SRBD1: variants seen among roughly 807,000 people sequenced by gnomAD.
SRBD1 encodes S1 RNA-binding domain-containing protein 1.
In SRBD1, 88 loss-of-function variants were observed where a neutral mutation model predicts 115.3. The observed-to-expected ratio is 0.76, with a 90% CI of 0.64 to 0.91. The LOEUF is 0.91. SRBD1 is among the 40% of genes least tolerant of loss of function. The pLI is 0.00. For missense variants in SRBD1, 1,385 were observed against 1,177.4 expected (o/e 1.18, Z -2.58); for synonymous variants, 509 against 407.7 (o/e 1.25, Z -2.99).
chr2:45,468,707 T>C (rs1318915853), intron 16 of SRBD1, among the ~76,000 whole-genome samples: 1 of 152,132 alleles, frequency 6.6e-6, no homozygotes, highest in Non-Finnish European at 1.5e-5. Context: ...TTATTGTGCA[T>C]GTCTTCTTAG....
intron 14 of SRBD1, among the ~76,000 whole-genome samples, chr2:45,520,367 G>T (rs550604512): frequency 6.6e-6 from 1 of 152,308 alleles, no homozygotes; most frequent in South Asian, 2.1e-4. Flanking sequence ...TGAGAATATG[G>T]ATTAGCACCT....
At chr2:45,475,915 T>C (rs1174779217) in intron 16 of SRBD1, among the ~76,000 whole-genome samples, 1 of 152,176 alleles carries the variant, frequency 6.6e-6, no homozygotes, top group Non-Finnish European at 1.5e-5. Flanking sequence ...GCCAGGCTGG[T>C]CTCAAACTCT....
intron 20 of SRBD1, among the ~76,000 whole-genome samples, chr2:45,391,254 C>G (rs1234544183): frequency 6.6e-6 from 1 of 152,160 alleles, no homozygotes; most frequent in Admixed American, 6.5e-5. Context: ...TTAACACTTT[C>G]ATAGCCAAGC....
At position 45,599,479 on chromosome 2, in the gene SRBD1, C is replaced by T. The variant is rs768592532; in HGVS notation, c.618G>A (p.Glu206=). The stretch of plus-strand genomic sequence containing the variant: ...CCATGTCCCAATTCATTTCCACCTC[C>T]TCTTTAGTACTATTGGCATTTGCTG... ...KFPANANSTK[E]EVEMNWDMVQ... The change falls in exon 4 of 21, where the codon GAG becomes GAA. Residue 206 remains glutamate, a synonymous_variant. Coordinates refer to ENST00000263736, the MANE Select transcript of SRBD1 (RefSeq NM_018079.5). 42 of 1,614,046 alleles carry T rather than the reference C, an allele frequency of 2.6e-5. No individual in the cohort carries two copies. The highest frequency in any genetic ancestry group is 3.5e-5 in the Non-Finnish European group (41 of 1,179,952).
intron 14 of SRBD1, among the ~76,000 whole-genome samples, chr2:45,536,700 T>C (rs139073726): frequency 2.9e-4 from 44 of 152,290 alleles, no homozygotes; most frequent in African/African-American, 1.0e-3. Flanking sequence ...AAGAGTACAT[T>C]TGTCCAGCTT....
At chr2:45,397,126 G>C (rs1026202077) in intron 19 of SRBD1, among the ~76,000 whole-genome samples, 5 of 152,112 alleles carry the variant, frequency 3.3e-5, no homozygotes, top group African/African-American at 1.2e-4. Flanking sequence ...GAAATGAATA[G>C]GTACAGGTAG....
intron 4 of SRBD1, among the ~76,000 whole-genome samples, chr2:45,597,373 T>G (rs1267633032): frequency 6.7e-6 from 1 of 149,534 alleles, no homozygotes. Context: ...TGAGCCAAGA[T>G]CGCGCCACTG....
At chr2:45,422,484 A>T (rs1668034802) in intron 16 of SRBD1, among the ~76,000 whole-genome samples, 1 of 152,160 alleles carries the variant, frequency 6.6e-6, no homozygotes, top group Non-Finnish European at 1.5e-5. Flanking sequence ...CCACCGGCAT[A>T]AAAAAATAAA....
At chr2:45,395,210 G>A (rs1667110432) in intron 19 of SRBD1, among the ~76,000 whole-genome samples, 1 of 152,172 alleles carries the variant, frequency 6.6e-6, no homozygotes, top group African/African-American at 2.4e-5. Flanking sequence ...CAAGATTCTG[G>A]CTTCTAACCA....
At chr2:45,402,534 G>T (rs1327388461) in intron 19 of SRBD1, among the ~76,000 whole-genome samples, 1 of 152,118 alleles carries the variant, frequency 6.6e-6, no homozygotes, top group African/African-American at 2.4e-5. Context: ...CAATGCTACT[G>T]CATGTGATAT....
chr2:45,428,114 A>G (rs577116165), intron 16 of SRBD1, among the ~76,000 whole-genome samples: 1 of 152,224 alleles, frequency 6.6e-6, no homozygotes, highest in Non-Finnish European at 1.5e-5. Context: ...AACGCTCCTC[A>G]GCAAATACTA....
intron 4 of SRBD1, among the ~76,000 whole-genome samples, chr2:45,587,941 A>G (rs1051990931): frequency 3.9e-5 from 6 of 152,168 alleles, no homozygotes; most frequent in Admixed American, 6.6e-5. Context: ...TGGCAATTCA[A>G]CCCAGAAAAC....
At chr2:45,477,506 C>T (rs74338733) in intron 15 of SRBD1, among the ~76,000 whole-genome samples, 15,870 of 152,154 alleles carry the variant, frequency 0.1, 1,014 homozygotes, top group East Asian at 0.19. Context: ...TATTAGAACT[C>T]GATCCCCCAA....
intron 18 of SRBD1, among the ~76,000 whole-genome samples, chr2:45,414,777 C>CACACACACATAGTGTGTATATAGTACGT (rs1667742866): frequency 1.3e-5 from 1 of 78,736 alleles, no homozygotes; most frequent in Non-Finnish European, 2.8e-5. Flanking sequence ...ATAGTATGTA[C>CACACACACATAGTGTGTATATAGTACGT]ACACACACAT....
chr2:45,511,545 C>T (rs899605668), intron 14 of SRBD1, among the ~76,000 whole-genome samples: 5 of 152,196 alleles, frequency 3.3e-5, no homozygotes, highest in African/African-American at 1.2e-4. Context: ...AGACCGTTTA[C>T]ATGAGGCAGG....
At chr2:45,587,624 A>G (rs891507776) in intron 4 of SRBD1, among the ~76,000 whole-genome samples, 2 of 152,222 alleles carry the variant, frequency 1.3e-5, no homozygotes, top group African/African-American at 4.8e-5. Flanking sequence ...CTGAATTTCA[A>G]GACTACATAT....
At chr2:45,421,429 C>T (rs748447445) in intron 16 of SRBD1, among the ~76,000 whole-genome samples, 1 of 140,500 alleles carries the variant, frequency 7.1e-6, no homozygotes. Flanking sequence ...ATGGCATGAA[C>T]CCAGGAGGTG....
At chr2:45,494,967 C>T (rs1193228328) in intron 14 of SRBD1, among the ~76,000 whole-genome samples, 2 of 152,050 alleles carry the variant, frequency 1.3e-5, no homozygotes, top group African/African-American at 2.4e-5. Context: ...AAAAGATGAT[C>T]ATTTTCCACA....
At chr2:45,538,189 C>G (rs1172331513) in intron 14 of SRBD1, among the ~76,000 whole-genome samples, 2 of 152,180 alleles carry the variant, frequency 1.3e-5, no homozygotes, top group Non-Finnish European at 2.9e-5. Flanking sequence ...CAAGGGAAAT[C>G]TCAGAAAACA....
Sources: allele counts gnomAD v4.1 joint callset (sites outside exome capture counted in the v4.1 genomes callset), GRCh38; gene constraint gnomAD v4.1.1; transcripts MANE v1.5; gene names NCBI Gene and HGNC (gene_info 2026-07-23, HGNC 2026-07-21).